The following MACROD2 variants were observed in gnomAD, a reference collection of about 807,000 sequenced individuals.
MACROD2 encodes the protein ADP-ribose glycohydrolase MACROD2.
In MACROD2, 36 loss-of-function variants were observed where a neutral mutation model predicts 70.4. The ratio of observed to expected loss-of-function variants is 0.51; its 90% CI spans 0.39 to 0.68. The LOEUF (loss-of-function observed/expected upper bound fraction) is 0.68, where lower values mean the gene tolerates loss of function less well. MACROD2 is among the 30% of genes least tolerant of loss of function. The pLI is 0.00. For missense variants in MACROD2, 496 were observed against 538.4 expected, an observed-to-expected ratio of 0.92 and a Z score of 0.78; for synonymous variants, 172 against 178.8, an observed-to-expected ratio of 0.96 and a Z score of 0.30.
chr20:15,959,510 A>C (rs1289300864), intron 12 of MACROD2, among the ~76,000 whole-genome samples: 2 of 152,144 alleles, frequency 1.3e-5, no homozygotes, highest in East Asian at 3.9e-4. Context: ...CAAACTTCTT[A>C]AAGTAATATT....
intron 6 of MACROD2, among the ~76,000 whole-genome samples, chr20:15,423,284 A>T (rs754464227): frequency 2.6e-5 from 4 of 152,198 alleles, no homozygotes; most frequent in African/African-American, 4.8e-5. Flanking sequence ...TAGCTACATG[A>T]GGCGTGTTCT....
At chr20:14,108,573 G>T (rs890308361) in intron 3 of MACROD2, among the ~76,000 whole-genome samples, 1 of 151,246 alleles carries the variant, frequency 6.6e-6, no homozygotes, top group Admixed American at 6.6e-5. Flanking sequence ...GGAGGGAAAA[G>T]ATATTCCATG....
intron 5 of MACROD2, among the ~76,000 whole-genome samples, chr20:15,072,122 A>C (rs977616234): frequency 6.6e-6 from 1 of 152,172 alleles, no homozygotes; most frequent in Non-Finnish European, 1.5e-5. Context: ...ATGTCTACAT[A>C]CATGTTAAAT....
At chr20:14,087,482 T>C (rs1321499511) in intron 3 of MACROD2, among the ~76,000 whole-genome samples, 1 of 152,076 alleles carries the variant, frequency 6.6e-6, no homozygotes, top group Non-Finnish European at 1.5e-5. Context: ...CCTTTTCTTC[T>C]TCTGATGCTT....
chr20:15,800,130 ATTCT>A (rs2063710806), intron 8 of MACROD2, among the ~76,000 whole-genome samples: 1 of 151,986 alleles, frequency 6.6e-6, no homozygotes, highest in African/African-American at 2.4e-5. Flanking sequence ...TTTTAATGGA[ATTCT>A]TTGTTTCTTT....
chr20:15,787,714 C>T (rs2051953273), intron 8 of MACROD2, among the ~76,000 whole-genome samples: 1 of 151,972 alleles, frequency 6.6e-6, no homozygotes, highest in Admixed American at 6.5e-5. Context: ...CTTTAAAAAT[C>T]TTCTTTTTTA....
intron 5 of MACROD2, among the ~76,000 whole-genome samples, chr20:14,749,807 A>C (rs2071846502): frequency 6.6e-6 from 1 of 152,164 alleles, no homozygotes; most frequent in South Asian, 2.1e-4. Flanking sequence ...CTTCTAATAG[A>C]AAGTGGTACC....
At chr20:16,002,915 T>C (rs996095654) in intron 15 of MACROD2, among the ~76,000 whole-genome samples, 1 of 152,164 alleles carries the variant, frequency 6.6e-6, no homozygotes, top group Non-Finnish European at 1.5e-5. Flanking sequence ...GAGGCAAAGA[T>C]GATTGACAGA....
Position 15,642,229 on chromosome 20 carries a change from G to A in MACROD2, c.645+142382G>A, listed in dbSNP as rs371851118. Among the ~76,000 whole-genome samples, 46 of 152,264 alleles carry A rather than the reference G, an allele frequency of 3.0e-4. No individual in the cohort carries two copies. In the South Asian group the frequency reaches 8.9e-3, roughly 30 times the overall value. ...TCATTTCTAGACAATGGAGGGGATT[G>A]TGGCAATAGTTCAGCATCTGTCCTC... On this transcript the variant is annotated intron_variant, in intron 8 of 17. Transcript: ENST00000684519.
At chr20:15,584,887 A>G (rs1033574721) in intron 8 of MACROD2, among the ~76,000 whole-genome samples, 1 of 152,212 alleles carries the variant, frequency 6.6e-6, no homozygotes, top group African/African-American at 2.4e-5. Context: ...TGTCCATGCC[A>G]GTGACTATAA....
At chr20:14,290,255 C>T (rs550898020) in intron 3 of MACROD2, among the ~76,000 whole-genome samples, 46 of 152,284 alleles carry the variant, frequency 3.0e-4, no homozygotes, top group African/African-American at 9.9e-4. Context: ...TGCACATATA[C>T]TTCTCAACCT....
chr20:14,769,552 A>G (rs945093302), intron 5 of MACROD2, among the ~76,000 whole-genome samples: 2 of 152,108 alleles, frequency 1.3e-5, no homozygotes, highest in Non-Finnish European at 2.9e-5. Flanking sequence ...TTAACTCATC[A>G]TATTGTACCG....
At chr20:14,303,692 C>A (rs1339608303) in intron 3 of MACROD2, among the ~76,000 whole-genome samples, 3 of 152,156 alleles carry the variant, frequency 2.0e-5, no homozygotes, top group South Asian at 4.1e-4. Flanking sequence ...TTATAGTCTT[C>A]CAGTTCTGCA....
chr20:15,243,053 G>C (rs1429448908), intron 6 of MACROD2, among the ~76,000 whole-genome samples: 1 of 152,188 alleles, frequency 6.6e-6, no homozygotes, highest in East Asian at 1.9e-4. Context: ...GTCTAGACCT[G>C]TACATTCTGA....
intron 5 of MACROD2, chr20:14,757,660 G>C: frequency 1.6e-6 from 2 of 1,290,172 alleles, no homozygotes; most frequent in Non-Finnish European, 2.2e-6. Flanking sequence ...AGCACCTGGA[G>C]CTGTCAGACA....
chr20:15,586,397 G>A (rs1036896095), intron 8 of MACROD2, among the ~76,000 whole-genome samples: 1 of 152,158 alleles, frequency 6.6e-6, no homozygotes, highest in Non-Finnish European at 1.5e-5. Context: ...ATGAAGCTTG[G>A]TGTTTGCATC....
intron 4 of MACROD2, among the ~76,000 whole-genome samples, chr20:14,600,239 A>G (rs557294917): frequency 1.7e-4 from 26 of 151,944 alleles, no homozygotes; most frequent in Non-Finnish European, 3.2e-4. Context: ...TAAAATAGGA[A>G]AAACAGAACC....
chr20:15,391,197 C>A (rs2045787795), intron 6 of MACROD2, among the ~76,000 whole-genome samples: 1 of 152,190 alleles, frequency 6.6e-6, no homozygotes, highest in Admixed American at 6.5e-5. Flanking sequence ...TTGGATGATC[C>A]TTCTAACCTT....
chr20:15,335,971 C>A (rs1435075371), intron 6 of MACROD2, among the ~76,000 whole-genome samples: 1 of 151,618 alleles, frequency 6.6e-6, no homozygotes, highest in Non-Finnish European at 1.5e-5. Flanking sequence ...CCTTTTCTCC[C>A]AGTTTGTCCT....
Sources: allele counts gnomAD v4.1 joint callset (sites outside exome capture counted in the v4.1 genomes callset), GRCh38; gene constraint gnomAD v4.1.1; transcripts MANE v1.5; gene names NCBI Gene and HGNC (gene_info 2026-07-23, HGNC 2026-07-21).